The following SNTG1 variants were observed in gnomAD, a reference collection of about 807,000 sequenced individuals.
The protein encoded by SNTG1 is syntrophin gamma 1.
SNTG1 carries 39 observed loss-of-function variants against 74.7 expected under a neutral mutation model. The observed-to-expected ratio is 0.52, with a 90% CI of 0.40 to 0.68. SNTG1 has a LOEUF of 0.68. Ranked by LOEUF, SNTG1 falls within the 30% of genes least tolerant of loss-of-function variation. SNTG1 has a pLI of 0.00. For synonymous variants in SNTG1, 254 were observed against 217.1 expected (o/e 1.17, Z -1.49); for missense variants, 685 against 609.5 (o/e 1.12, Z -1.30).
intron 4 of SNTG1, among the ~76,000 whole-genome samples, chr8:50,421,634 C>T (rs2093088596): frequency 6.6e-6 from 1 of 152,094 alleles, no homozygotes; most frequent in Admixed American, 6.6e-5. Context: ...CTTTATTTTA[C>T]CCAACCCTTT....
intron 11 of SNTG1, among the ~76,000 whole-genome samples, chr8:50,550,383 T>C (rs1277329593): frequency 6.6e-6 from 1 of 152,152 alleles, no homozygotes; most frequent in African/African-American, 2.4e-5. Context: ...AAATCAACAA[T>C]GAATCAAAAC....
chr8:49,950,116 G>A (rs982705933), intron 1 of SNTG1, among the ~76,000 whole-genome samples: 10 of 152,130 alleles, frequency 6.6e-5, no homozygotes, highest in African/African-American at 1.9e-4. Context: ...TACAGAGTGA[G>A]ATGCTGCCTC....
At chr8:50,152,211 A>G (rs1337706210) in intron 1 of SNTG1, among the ~76,000 whole-genome samples, 1 of 152,166 alleles carries the variant, frequency 6.6e-6, no homozygotes, top group Non-Finnish European at 1.5e-5. Flanking sequence ...CTGTTTTATC[A>G]GAGACTGGGA....
chr8:50,629,670 TA>T (rs1413084993), intron 13 of SNTG1, among the ~76,000 whole-genome samples: 7 of 152,176 alleles, frequency 4.6e-5, no homozygotes, highest in Non-Finnish European at 8.8e-5. Flanking sequence ...CTTCTGTTCA[TA>T]AAAGATTCTT....
chr8:50,079,421 T>TC (rs919256292), intron 1 of SNTG1, among the ~76,000 whole-genome samples: 4 of 151,884 alleles, frequency 2.6e-5, no homozygotes, highest in Non-Finnish European at 5.9e-5. Flanking sequence ...TTTTTTTTTT[T>TC]CTTGTAAATT....
intron 9 of SNTG1, among the ~76,000 whole-genome samples, chr8:50,507,349 A>C (rs1045567668): frequency 7.2e-5 from 11 of 152,088 alleles, no homozygotes; most frequent in African/African-American, 2.2e-4. Context: ...TTCAAGCTGG[A>C]AACTGCTTTC....
Position 50,512,585 on chromosome 8 carries a change from T to C in SNTG1, c.466+9705T>C, listed in dbSNP as rs182083505. On this transcript the variant is annotated intron_variant, in intron 9 of 18. Transcript: ENST00000642720. ...ACATAGATTTGGTCTTTTCACATAG[T>C]CCTATATTTCTTGGAGGCTTTGCTC... Among the ~76,000 whole-genome samples the C allele has an allele frequency of 4.5e-3, 687 of 152,312 alleles. 9 individuals carry two copies. The highest frequency in any genetic ancestry group is 0.037 in the South Asian group (180 of 4,822).
At chr8:50,233,323 C>CA (rs2085727370) in intron 2 of SNTG1, among the ~76,000 whole-genome samples, 1 of 151,314 alleles carries the variant, frequency 6.6e-6, no homozygotes, top group Non-Finnish European at 1.5e-5. Context: ...ATAGTCTTTT[C>CA]AAAAAATGGT....
intron 2 of SNTG1, among the ~76,000 whole-genome samples, chr8:50,201,791 T>C (rs2083996509): frequency 6.6e-6 from 1 of 152,192 alleles, no homozygotes. Flanking sequence ...TTTGTATCTA[T>C]ATTCAGCTAA....
At chr8:49,983,413 G>T (rs966045036) in intron 1 of SNTG1, among the ~76,000 whole-genome samples, 28 of 152,048 alleles carry the variant, frequency 1.8e-4, no homozygotes, top group African/African-American at 6.3e-4. Flanking sequence ...CATTCAATAA[G>T]AATATCAAAT....
chr8:50,438,228 A>G (rs1427702836), intron 4 of SNTG1, among the ~76,000 whole-genome samples: 2 of 152,166 alleles, frequency 1.3e-5, no homozygotes, highest in Non-Finnish European at 2.9e-5. Flanking sequence ...AAGAATACGT[A>G]ATGTGGAAAT....
At chr8:50,246,205 A>T (rs903866580) in intron 2 of SNTG1, among the ~76,000 whole-genome samples, 4 of 151,748 alleles carry the variant, frequency 2.6e-5, no homozygotes, top group African/African-American at 9.7e-5. Context: ...AACATCCTTA[A>T]TCTGCTTATT....
At chr8:50,371,962 T>C (rs1587360608) in intron 2 of SNTG1, among the ~76,000 whole-genome samples, 1 of 152,286 alleles carries the variant, frequency 6.6e-6, no homozygotes. Flanking sequence ...TGGATCTTGT[T>C]TTTTAATCCA....
chr8:50,303,091 C>T (rs2089723048), intron 2 of SNTG1, among the ~76,000 whole-genome samples: 2 of 152,134 alleles, frequency 1.3e-5, no homozygotes, highest in South Asian at 4.1e-4. Flanking sequence ...ATAGTAAGCA[C>T]ATAAACACAT....
intron 1 of SNTG1, among the ~76,000 whole-genome samples, chr8:50,104,124 T>G (rs1186959349): frequency 6.6e-6 from 1 of 152,202 alleles, no homozygotes; most frequent in Non-Finnish European, 1.5e-5. Context: ...TGGAATAGTT[T>G]CAGAAGGAAT....
In SNTG1 at chr8:50,175,253, G is replaced by A. The variant is rs188224507; in HGVS notation, c.-28+2618G>A. 3.1e-3 allele frequency among the ~76,000 whole-genome samples: 466 copies of A among 152,238 alleles called. 3 individuals are homozygous for A. The highest frequency in any genetic ancestry group is 0.01 in the African/African-American group (424 of 41,540). ...AGTAATGGGATGGCTGGGTCAAATG[G>A]TATTTCTAGTTCTAGATCCCTGAGG... On this transcript the variant is annotated intron_variant, in intron 2 of 18. Coordinates refer to ENST00000642720, the MANE Select transcript of SNTG1 (RefSeq NM_018967.5).
rs574319852 is a variant in SNTG1 at position 50,369,394 on chromosome 8, C to T, written c.-27-24818C>T. Among the ~76,000 whole-genome samples the T allele has an allele frequency of 1.7e-3, 262 of 152,094 alleles. 1 individual carries two copies. The highest frequency in any genetic ancestry group is 3.7e-3 in the East Asian group (19 of 5,154). On this transcript the variant is annotated intron_variant, in intron 2 of 18. Coordinates refer to ENST00000642720, the MANE Select transcript of SNTG1 (RefSeq NM_018967.5). ...GGTGGATCACATGAGGTTGAGAGTT[C>T]GAGACGAGCCTGACCAACATGGGGA... is the stretch of plus-strand genomic sequence containing the variant.
At chr8:50,218,369 T>A (rs2084899172) in intron 2 of SNTG1, among the ~76,000 whole-genome samples, 1 of 152,180 alleles carries the variant, frequency 6.6e-6, no homozygotes, top group Admixed American at 6.5e-5. Flanking sequence ...AGAAAAGAAT[T>A]CATTCACATA....
At chr8:50,738,342 C>T (rs1460682328) in intron 17 of SNTG1, among the ~76,000 whole-genome samples, 2 of 152,020 alleles carry the variant, frequency 1.3e-5, no homozygotes, top group Non-Finnish European at 1.5e-5. Flanking sequence ...CCTAGGGATA[C>T]AACTTACTAA....
Sources: gnomAD v4.1 joint callset for allele counts (sites outside exome capture counted in the v4.1 genomes callset) on GRCh38, gnomAD v4.1.1 for gene constraint, MANE v1.5 for transcripts, NCBI Gene and HGNC (gene_info 2026-07-23, HGNC 2026-07-21) for gene names.